Variants in PPWD1 observed in about 807,000 individuals in gnomAD.
PPWD1 encodes peptidylprolyl isomerase domain and WD repeat-containing protein 1.
PPWD1 carries 43 observed loss-of-function variants against 68.8 expected under a neutral mutation model. The observed-to-expected ratio is 0.62, with a 90% confidence interval of 0.49 to 0.81. The LOEUF is 0.81. Among genes scored for constraint, PPWD1 ranks in the 30% least tolerant of loss-of-function variants. The probability of loss-of-function intolerance (pLI) is 0.00; values close to 1 mark genes in which losing one functional copy is unlikely to be tolerated. For missense variants in PPWD1, 672 were observed against 804.8 expected (o/e 0.83, Z 2.00); for synonymous variants, 232 against 258.7 (o/e 0.90, Z 0.99).
chr5:65,576,411 C>G (rs1753282306), intron 5 of PPWD1: 1 of 896,254 alleles, frequency 1.1e-6, no homozygotes, highest in Non-Finnish European at 1.3e-6. Context: ...GAGTCTCACT[C>G]TGTCCCCCAG....
At chr5:65,575,266 C>T (rs1487962451) in intron 5 of PPWD1, among the ~76,000 whole-genome samples, 1 of 152,136 alleles carries the variant, frequency 6.6e-6, no homozygotes, top group Admixed American at 6.5e-5. Context: ...GTCTTCTCTC[C>T]GGCAGAAATG....
At position 65,569,938 on chromosome 5, in the gene PPWD1, A is replaced by G; in HGVS notation, c.461A>G (p.Asp154Gly). The change falls in exon 4 of 11, where the codon GAT becomes GGT. Residue 154 changes from aspartate to glycine, a missense_variant. Coordinates refer to ENST00000261308, the MANE Select transcript of PPWD1 (RefSeq NM_015342.4). ...EGALFCSVGD[D>G]KAMKVFDVVN... ...GCATTGTTCTGTTCTGTGGGTGATG[A>G]TAAAGCAATGAAGGTGTTTGATGTA... 1 of 1,612,536 alleles carries G rather than the reference A, an allele frequency of 6.2e-7. No individual in the cohort carries two copies. The highest frequency in any genetic ancestry group is 8.5e-7 in the Non-Finnish European group (1 of 1,178,928).
chr5:65,577,014 T>C lies in PPWD1; in HGVS notation c.1105T>C (p.Phe369Leu), dbSNP rs1193257323. The stretch of plus-strand genomic sequence containing the variant: ...TATAGTTTTTGATGAAACTGGACAC[T>C]TCGTGCTGTATGGAACAATGCTGGG... ...INIVFDETGH[F>L]VLYGTMLGIK... The change falls in exon 6 of 11, where the codon TTC becomes CTC. Residue 369 changes from phenylalanine (F) to leucine (L), a missense_variant. Physicochemically the swap from Phe to Leu is conservative, Grantham distance 22. Around this residue, in one of 2 missense-constraint regions of PPWD1, gnomAD observed 484 missense variants for 646.2 expected, o/e 0.75. Transcript: ENST00000261308. The C allele has an allele frequency of 6.2e-7, 1 of 1,613,994 alleles. No individual in the cohort carries two copies. The highest frequency in any genetic ancestry group is 8.5e-7 in the Non-Finnish European group (1 of 1,179,986).
chr5:65,580,570 G>A (rs918200150), intron 7 of PPWD1, among the ~76,000 whole-genome samples: 1 of 152,188 alleles, frequency 6.6e-6, no homozygotes, highest in African/African-American at 2.4e-5. Flanking sequence ...CTAGAGTGCA[G>A]TGACGTGACT....
chr5:65,570,873 T>C (rs932910299), intron 4 of PPWD1, among the ~76,000 whole-genome samples: 4 of 152,156 alleles, frequency 2.6e-5, no homozygotes, highest in African/African-American at 9.7e-5. Context: ...ACCATGTCTC[T>C]AGAAATTCCA....
chr5:65,574,728 G>A (rs1473292358), intron 5 of PPWD1, among the ~76,000 whole-genome samples: 1 of 152,272 alleles, frequency 6.6e-6, no homozygotes, highest in East Asian at 1.9e-4. Context: ...CTCCCAAAGT[G>A]CTGGGATTAC....
chr5:65,585,881 A>G, intron 9 of PPWD1, 118 bp from the exon 10 acceptor site: 8 of 1,440,840 alleles, frequency 5.6e-6, no homozygotes, highest in Admixed American at 2.5e-5. Context: ...TAATCAAATC[A>G]CTTTATAGTG....
At chr5:65,577,229 CT>C (rs1355156074) in intron 6 of PPWD1, among the ~76,000 whole-genome samples, 160 bp downstream of exon 6, 7 of 152,000 alleles carry the variant, frequency 4.6e-5, no homozygotes, top group Admixed American at 3.3e-4. Context: ...TCTGTGGTCT[CT>C]TGGTTGTTTA....
chr5:65,574,949 A>G (rs1753217867), intron 5 of PPWD1, among the ~76,000 whole-genome samples: 1 of 152,244 alleles, frequency 6.6e-6, no homozygotes, highest in Non-Finnish European at 1.5e-5. Context: ...AATTACTTAC[A>G]GTGCTAGTGA....
chr5:65,571,364 G>A (rs1166648429), intron 4 of PPWD1, among the ~76,000 whole-genome samples: 1 of 152,146 alleles, frequency 6.6e-6, no homozygotes, highest in Non-Finnish European at 1.5e-5. Context: ...TTAGTAATGA[G>A]AGTGTTTTAG....
chr5:65,585,820 G>A lies in PPWD1; in HGVS notation c.1615-179G>A, dbSNP rs145070580. The A allele has an allele frequency of 1.4e-3, 940 of 665,470 alleles. 6 individuals carry two copies. In the African/African-American group the frequency reaches 0.017, roughly 12 times the overall value. The allele number at this position is 665,470 out of a possible 1,614,324, so 41.2% of individuals were successfully genotyped here. On this transcript the variant is annotated intron_variant, in intron 9 of 10. Coordinates refer to ENST00000261308, the MANE Select transcript of PPWD1 (RefSeq NM_015342.4). ...CCTTTGCATTTATGTTTCAATCAAGGTGGTGGTTGGGCAATGGAAATACAT... is the reference window on the plus strand; with the variant it reads ...CCTTTGCATTTATGTTTCAATCAAGATGGTGGTTGGGCAATGGAAATACAT...
intron 3 of PPWD1, 47 bp from the exon 4 acceptor site, chr5:65,569,827 CTTAT>C (rs1332214328): frequency 2.6e-6 from 4 of 1,567,566 alleles, no homozygotes; most frequent in South Asian, 2.3e-5. Flanking sequence ...ATCATGCACA[CTTAT>C]TTTACTGTTA....
chr5:65,578,397 T>A (rs1226242759), intron 6 of PPWD1, among the ~76,000 whole-genome samples: 1 of 152,202 alleles, frequency 6.6e-6, no homozygotes, highest in Non-Finnish European at 1.5e-5. Context: ...AATGTTTAGT[T>A]TTGTAACAGC....
intron 2 of PPWD1, 86 bp from the exon 3 acceptor site, chr5:65,569,546 G>C: frequency 7.1e-7 from 1 of 1,412,538 alleles, no homozygotes; most frequent in Non-Finnish European, 9.5e-7. Flanking sequence ...GCACAAGTCA[G>C]ATTCTTAGTG....
chr5:65,571,401 CATA>C (rs1753000892), intron 4 of PPWD1, among the ~76,000 whole-genome samples: 1 of 152,002 alleles, frequency 6.6e-6, no homozygotes, highest in Non-Finnish European at 1.5e-5. Flanking sequence ...GACGTATTGT[CATA>C]ATAAAATATT....
chr5:65,580,606 T>C (rs1397677661), intron 7 of PPWD1, among the ~76,000 whole-genome samples: 2 of 152,156 alleles, frequency 1.3e-5, no homozygotes, highest in African/African-American at 4.8e-5. Context: ...CTCTGCCTCC[T>C]GGGTTCCAGC....
In PPWD1 at chr5:65,563,518, C is replaced by T. The variant is rs551494469; in HGVS notation, c.196+12C>T. On this transcript the variant is annotated intron_variant, in intron 1 of 10. Coordinates refer to ENST00000261308, the MANE Select transcript of PPWD1 (RefSeq NM_015342.4). ...CAAGAAGAGGAAAGGTAGCTGCAGA[C>T]ATAGTACCGGGACGAATTGGAGTGC... 8.7e-6 allele frequency: 14 copies of T among 1,604,820 alleles called. No homozygotes were observed. The South Asian group carries it at 1.4e-4, about 17-fold the overall frequency.
At chr5:65,565,480 C>A (rs1043394533) in intron 1 of PPWD1, among the ~76,000 whole-genome samples, 3 of 152,060 alleles carry the variant, frequency 2.0e-5, no homozygotes, top group African/African-American at 7.2e-5. Context: ...GAAAATCTTT[C>A]CTCTTAATCA....
At chr5:65,570,217 C>A in intron 4 of PPWD1, 1 of 926,788 alleles carries the variant, frequency 1.1e-6, no homozygotes, top group Non-Finnish European at 1.3e-6. Flanking sequence ...TAAACAGCAT[C>A]ATAACAAGGA....
Sources: allele counts gnomAD v4.1 joint callset (sites outside exome capture counted in the v4.1 genomes callset), GRCh38; gene constraint gnomAD v4.1.1; regional missense constraint gnomAD v4.1.1; transcripts MANE v1.5; gene names NCBI Gene and HGNC (gene_info 2026-07-23, HGNC 2026-07-21).